Variants in GPHN observed in about 807,000 individuals in gnomAD.
GPHN encodes the protein gephyrin.
A neutral mutation model predicts 95.5 loss-of-function variants in GPHN; 17 were observed. That is an observed-to-expected ratio of 0.18 (90% CI 0.12 to 0.27). The LOEUF (loss-of-function observed/expected upper bound fraction) is 0.27. Ranked by LOEUF, GPHN falls within the 10% of genes least tolerant of loss-of-function variation. The pLI is 1.00. For missense variants in GPHN, 660 were observed against 978.1 expected (o/e 0.67, Z 4.34); for synonymous variants, 320 against 322.5 (o/e 0.99, Z 0.08).
At chr14:67,588,332 G>A in the GPHN span, 2 of 152,544 alleles carry the variant, frequency 1.3e-5, no homozygotes, top group African/African-American at 2.4e-5. Flanking sequence ...TTTTGCTGCT[G>A]TAAGACCACC....
the GPHN span, among the ~76,000 whole-genome samples, chr14:67,665,792 T>C: frequency 1.3e-5 from 2 of 152,136 alleles, no homozygotes; most frequent in African/African-American, 4.8e-5. Flanking sequence ...ACCCCCTTAA[T>C]ATACACAAGA....
intron 4 of GPHN, among the ~76,000 whole-genome samples, chr14:66,838,229 A>G (rs1172962448): frequency 6.6e-6 from 1 of 152,174 alleles, no homozygotes; most frequent in South Asian, 2.1e-4. Context: ...TACTTACGTT[A>G]TGTAAATAAT....
chr14:66,519,900 A>G (rs796384226), intron 1 of GPHN, among the ~76,000 whole-genome samples: 12 of 152,258 alleles, frequency 7.9e-5, no homozygotes, highest in African/African-American at 2.9e-4. Flanking sequence ...ATTGTAGCAG[A>G]GAGAGATTAA....
chr14:67,374,309 C>T, the GPHN span, among the ~76,000 whole-genome samples: 1 of 152,166 alleles, frequency 6.6e-6, no homozygotes, highest in East Asian at 1.9e-4. Flanking sequence ...ATGAGGGATA[C>T]TCAGCCTTGT....
At chr14:67,600,307 G>T in the GPHN span, 6 of 995,360 alleles carry the variant, frequency 6.0e-6, no homozygotes, top group Non-Finnish European at 8.4e-6. Flanking sequence ...GCGTCACCAC[G>T]CCCCGCCCTA....
At chr14:67,164,444 T>A (rs371141572) in intron 19 of GPHN, among the ~76,000 whole-genome samples, 2 of 152,052 alleles carry the variant, frequency 1.3e-5, no homozygotes, top group South Asian at 4.1e-4. Context: ...GGTTAAAAAA[T>A]ACTCATTTTG....
At chr14:67,198,325 A>G in the GPHN span, 1 of 1,610,378 alleles carries the variant, frequency 6.2e-7, no homozygotes, top group South Asian at 1.1e-5. Flanking sequence ...ATCCAGGTAA[A>G]TCATATTCAA....
intron 4 of GPHN, among the ~76,000 whole-genome samples, chr14:66,877,171 C>T (rs746239921): frequency 1.1e-4 from 17 of 152,132 alleles, no homozygotes; most frequent in African/African-American, 2.2e-4. Flanking sequence ...AAAAGTCCTC[C>T]GATAAAATTC....
chr14:67,341,116 C>G, the GPHN span, among the ~76,000 whole-genome samples: 1 of 152,190 alleles, frequency 6.6e-6, no homozygotes, highest in Non-Finnish European at 1.5e-5. Context: ...AAGTGAGGAG[C>G]CTCTCTGCCT....
intron 2 of GPHN, among the ~76,000 whole-genome samples, chr14:66,764,794 T>G (rs2153454893): frequency 6.6e-6 from 1 of 152,124 alleles, no homozygotes; most frequent in African/African-American, 2.4e-5. Flanking sequence ...ATAATATAAT[T>G]ACTTATTGTA....
intron 4 of GPHN, among the ~76,000 whole-genome samples, chr14:66,865,446 A>G (rs1269880053): frequency 1.3e-5 from 2 of 152,162 alleles, no homozygotes; most frequent in Non-Finnish European, 2.9e-5. Context: ...GATTACAAAA[A>G]GTCTGATAGT....
intron 1 of GPHN, among the ~76,000 whole-genome samples, chr14:66,563,808 G>A (rs552150764): frequency 6.6e-5 from 10 of 152,002 alleles, no homozygotes; most frequent in African/African-American, 1.9e-4. Context: ...CTGATTGCTT[G>A]CATTTCCATT....
At chr14:66,780,477 C>T (rs887021414) in intron 3 of GPHN, among the ~76,000 whole-genome samples, 2 of 150,888 alleles carry the variant, frequency 1.3e-5, no homozygotes, top group Non-Finnish European at 2.9e-5. Flanking sequence ...AATAGCAGGA[C>T]TTTTGCCTGT....
intron 1 of GPHN, among the ~76,000 whole-genome samples, chr14:66,611,736 T>C (rs985037390): frequency 6.6e-6 from 1 of 152,202 alleles, no homozygotes; most frequent in Non-Finnish European, 1.5e-5. Flanking sequence ...ATTTGCTCTT[T>C]TAAAATCTTA....
chr14:66,545,775 G>A (rs1469025000), intron 1 of GPHN, among the ~76,000 whole-genome samples: 6 of 144,038 alleles, frequency 4.2e-5, no homozygotes, highest in South Asian at 2.2e-4. Context: ...GCAGCTGGCC[G>A]GGCAGAGGGG....
the GPHN span, among the ~76,000 whole-genome samples, chr14:67,216,071 C>T: frequency 6.6e-6 from 1 of 152,198 alleles, no homozygotes; most frequent in Non-Finnish European, 1.5e-5. Context: ...ACGCCTCCCA[C>T]CGTGTCCTCC....
chr14:67,296,496 G>A, the GPHN span, among the ~76,000 whole-genome samples: 1 of 147,334 alleles, frequency 6.8e-6, no homozygotes, highest in Admixed American at 7.0e-5. Context: ...CAGGAGAATG[G>A]CATGAACCCG....
At chr14:66,796,996 A>C (rs1012293050) in intron 3 of GPHN, among the ~76,000 whole-genome samples, 1 of 118,048 alleles carries the variant, frequency 8.5e-6, no homozygotes, top group Non-Finnish European at 1.8e-5. Flanking sequence ...ATTTTTGTAT[A>C]TGGTGAGACA....
chr14:67,343,326 AG>A, the GPHN span: 1 of 1,423,476 alleles, frequency 7.0e-7, no homozygotes, highest in Non-Finnish European at 9.8e-7. Context: ...CGACAAGTGG[AG>A]GGTATGGACA....
Sources: gnomAD v4.1 joint callset for allele counts (sites outside exome capture counted in the v4.1 genomes callset) on GRCh38, gnomAD v4.1.1 for gene constraint, MANE v1.5 for transcripts, NCBI Gene and HGNC (gene_info 2026-07-23, HGNC 2026-07-21) for gene names.